The following LRRC37B variants were observed in gnomAD, a reference collection of about 807,000 sequenced individuals.
LRRC37B encodes leucine-rich repeat-containing protein 37B.
A neutral mutation model predicts 98.3 loss-of-function variants in LRRC37B; 28 were observed. The observed-to-expected ratio is 0.28, with a 90% CI of 0.21 to 0.39. The LOEUF (loss-of-function observed/expected upper bound fraction) is 0.39, where lower values mean the gene tolerates loss of function less well. Ranked by LOEUF, LRRC37B falls within the 10% of genes least tolerant of loss-of-function variation. LRRC37B has a pLI of 1.00. For missense variants in LRRC37B, 938 were observed against 1,182.7 expected, an observed-to-expected ratio of 0.79 and a Z score of 3.03; for synonymous variants, 364 against 442.7, an observed-to-expected ratio of 0.82 and a Z score of 2.23.
At chr17:32,051,947 T>C (rs1477465582) in intron 11 of LRRC37B, 1 of 151,868 alleles carries the variant, frequency 6.6e-6, no homozygotes, top group Non-Finnish European at 1.5e-5. Context: ...GTATTGCCAT[T>C]GTAAATGGGA....
exon 1 of LRRC37B, chr17:32,022,055 C>G (rs1910809551): frequency 6.2e-7 from 1 of 1,613,866 alleles, no homozygotes; most frequent in Admixed American, 1.7e-5. Context: ...AGCAGGAGGC[C>G]CCAGCTCTGC....
chr17:32,050,508 A>G (rs1911723073), intron 11 of LRRC37B: 1 of 214,414 alleles, frequency 4.7e-6, no homozygotes, highest in Non-Finnish European at 9.6e-6. Context: ...ATCACCCTGG[A>G]GAGGAAGAAG....
upstream of LRRC37B, chr17:32,016,862 G>A (rs538935120): frequency 1.1e-3 from 163 of 152,332 alleles, no homozygotes; most frequent in African/African-American, 3.8e-3. Context: ...TCTCTCAAAT[G>A]TGATAGTATC....
In LRRC37B at chr17:32,023,094, C is replaced by T. The variant is rs529862542; in HGVS notation, c.1760+269C>T. 2.9e-4 allele frequency among the ~76,000 whole-genome samples: 44 copies of T among 151,558 alleles called. 1 individual carries two copies. Among genetic ancestry groups the T allele is most frequent in the African/African-American group, 6.8e-4 (28 of 41,336 alleles). Reference sequence around the variant, plus strand: ...CCATCACATCATTGCTTAACCGCTGCTCTGCTCCTATTTTCGCTTCACCCT... The same window carrying T: ...CCATCACATCATTGCTTAACCGCTGTTCTGCTCCTATTTTCGCTTCACCCT... On this transcript the variant is annotated intron_variant, in intron 1 of 11. Transcript: ENST00000327564.
In LRRC37B at chr17:32,021,291, T is replaced by C. The variant is rs1001789031; in HGVS notation, c.226T>C (p.Ser76Pro). ...CCCCCTGGGGCCACCTGAGCCCTGG[T>C]CTTCCCGCTCCTCCCATCTCCCATG... Residue 76 changes from serine to proline, a missense_variant, in exon 1 of 12, where the codon TCT becomes CCT. Transcript: ENST00000327564. 1.9e-6 allele frequency: 3 copies of C among 1,613,062 alleles called. No individual in the cohort carries two copies. Among genetic ancestry groups the C allele is most frequent in the Non-Finnish European group, 8.5e-7 (1 of 1,179,908 alleles).
intron 2 of LRRC37B, among the ~76,000 whole-genome samples, chr17:32,025,825 T>G (rs1386233782): frequency 6.6e-6 from 1 of 152,238 alleles, no homozygotes; most frequent in East Asian, 1.9e-4. Flanking sequence ...TCCTCAAAAA[T>G]GTTGTGCCAA....
intron 1 of LRRC37B, among the ~76,000 whole-genome samples, chr17:32,009,870 T>A (rs1398561025): frequency 6.6e-6 from 1 of 151,390 alleles, no homozygotes; most frequent in Non-Finnish European, 1.5e-5. Context: ...GGTCTTGAAC[T>A]CCTGAGCTCA....
chr17:32,008,252 T>G (rs185672825), intron 1 of LRRC37B, 120 bp downstream of exon 1: 1 of 177,904 alleles, frequency 5.6e-6, no homozygotes, highest in Non-Finnish European at 1.3e-5. Flanking sequence ...ACCCCTAAAC[T>G]TTAGAGGGGA....
intron 11 of LRRC37B, 126 bp from the exon 15 acceptor site, chr17:32,053,140 T>C (rs1911805675): frequency 4.2e-6 from 3 of 708,600 alleles, no homozygotes; most frequent in Non-Finnish European, 7.5e-6. Context: ...CAGCATACAA[T>C]TCCTGTCTTC....
intron 7 of LRRC37B, among the ~76,000 whole-genome samples, chr17:32,039,594 A>C (rs532354129): frequency 2.3e-5 from 3 of 131,404 alleles, no homozygotes; most frequent in Non-Finnish European, 3.1e-5. Flanking sequence ...TTATATATTT[A>C]TATATATTAT....
intron 5 of LRRC37B, among the ~76,000 whole-genome samples, chr17:32,034,629 G>A (rs1911195457): frequency 6.7e-6 from 1 of 149,936 alleles, no homozygotes; most frequent in Admixed American, 6.6e-5. Flanking sequence ...TAGGGTTTTT[G>A]ACCTGAAAAG....
intron 11 of LRRC37B, chr17:32,050,550 AC>A (rs1436981245): frequency 1.1e-5 from 2 of 177,810 alleles, no homozygotes; most frequent in East Asian, 3.1e-4. Context: ...TGTCTTGTAG[AC>A]TTATTAGATT....
intron 7 of LRRC37B, among the ~76,000 whole-genome samples, chr17:32,039,506 A>G (rs1452078696): frequency 7.9e-5 from 4 of 50,892 alleles, no homozygotes; most frequent in Admixed American, 2.5e-4. Context: ...ATATATATAT[A>G]TATATATATA....
chr17:32,038,351 C>T (rs1567617447), intron 7 of LRRC37B, among the ~76,000 whole-genome samples: 1 of 151,890 alleles, frequency 6.6e-6, no homozygotes, highest in Admixed American at 6.6e-5. Context: ...CCCAGCTACA[C>T]GGGAAGCTGA....
intron 7 of LRRC37B, chr17:32,041,374 A>T (rs1245797725): frequency 1.3e-6 from 1 of 753,690 alleles, no homozygotes; most frequent in Non-Finnish European, 2.4e-6. Context: ...TATGACTTCC[A>T]GCCTGAGAAC....
At chr17:32,007,476 C>T (rs1465286423), upstream of LRRC37B, among the ~76,000 whole-genome samples, 1 of 152,144 alleles carries the variant, frequency 6.6e-6, no homozygotes, top group African/African-American at 2.4e-5. The surrounding 1 kb of genome is among the most constrained non-coding windows in gnomAD (Gnocchi z 4.1). Flanking sequence ...TCCCTCCACT[C>T]GCTTCCGCCG....
Position 32,049,493 on chromosome 17 carries a change from C to G in LRRC37B, c.2757+99C>G, listed in dbSNP as rs1911686560. On this transcript the variant is annotated intron_variant, in intron 10 of 11. Transcript: ENST00000327564. ...AGAACCTGGGACTCCCAGGCCATAG[C>G]TTGTCTTGGCCATGTAACTTTGGCC... is the stretch of plus-strand genomic sequence containing the variant. 14 of 1,318,474 alleles carry G rather than the reference C, an allele frequency of 1.1e-5. No individual in the cohort carries two copies. In the South Asian group the frequency reaches 2.2e-4, roughly 20 times the overall value. The allele number at this position is 1,318,474 out of a possible 1,614,324, so 81.7% of individuals were successfully genotyped here.
intron 9 of LRRC37B, among the ~76,000 whole-genome samples, chr17:32,048,651 C>G (rs1374013547): frequency 6.6e-6 from 1 of 152,212 alleles, no homozygotes; most frequent in African/African-American, 2.4e-5. Context: ...TTTTATAAAA[C>G]TCACTCCCGT....
chr17:32,051,895 A>T (rs1455522860), intron 11 of LRRC37B: 2 of 152,242 alleles, frequency 1.3e-5, no homozygotes, highest in African/African-American at 4.8e-5. Context: ...TTTGTTAGAT[A>T]ACAGATCTTT....
Sources: allele counts gnomAD v4.1 joint callset (sites outside exome capture counted in the v4.1 genomes callset), GRCh38; gene constraint gnomAD v4.1.1; non-coding constraint Gnocchi (gnomAD v3.1); transcripts MANE v1.5; gene names NCBI Gene and HGNC (gene_info 2026-07-23, HGNC 2026-07-21).